The following STX8 variants were observed in gnomAD, a reference collection of about 807,000 sequenced individuals.
STX8 encodes the protein syntaxin 8, also known as syntaxin-8.
STX8 carries 23 observed loss-of-function variants against 37.5 expected under a neutral mutation model. That is an observed-to-expected ratio of 0.61 (90% CI 0.44 to 0.87). The LOEUF is 0.87. Among genes scored for constraint, STX8 ranks in the 40% least tolerant of loss-of-function variants. The pLI is 0.00. For missense variants in STX8, 313 were observed against 284.7 expected (o/e 1.10, Z -0.71); for synonymous variants, 115 against 99.1 (o/e 1.16, Z -0.95).
chr17:9,349,569 G>A (rs1910639692), intron 7 of STX8, among the ~76,000 whole-genome samples: 1 of 152,018 alleles, frequency 6.6e-6, no homozygotes, highest in African/African-American at 2.4e-5. Flanking sequence ...CGATCCACCC[G>A]CCTTGGCCTC....
chr17:9,481,299 C>T (rs1410839260), intron 6 of STX8, among the ~76,000 whole-genome samples: 1 of 152,214 alleles, frequency 6.6e-6, no homozygotes, highest in Non-Finnish European at 1.5e-5. Flanking sequence ...TGTGGATGAG[C>T]GTGTCTTCCT....
In STX8 at chr17:9,329,050, CAAA is replaced by C. The variant is rs998679728; in HGVS notation, c.643+49499_643+49501del. Among the ~76,000 whole-genome samples the C allele has an allele frequency of 5.0e-3, 141 of 27,982 alleles. 1 individual carries two copies. The highest frequency in any genetic ancestry group is 0.013 in the Admixed American group (17 of 1,358). The allele number at this position is 27,982 out of a possible 152,430, so 18.4% of individuals were successfully genotyped here. ...GGGCGACAAGAGCGAGATTCCATCT[CAAA>C]AAAAAAAAAAAAAAAAAAAAAAAAA... On this transcript the variant is annotated intron_variant, in intron 7 of 7. Coordinates refer to ENST00000306357, the MANE Select transcript of STX8 (RefSeq NM_004853.3).
chr17:9,422,845 C>G (rs1374110111), intron 6 of STX8, among the ~76,000 whole-genome samples: 1 of 152,192 alleles, frequency 6.6e-6, no homozygotes, highest in Non-Finnish European at 1.5e-5. Flanking sequence ...TTTTCCAAAT[C>G]AGCTTGTATT....
At chr17:9,446,278 GCTGA>G (rs767875808) in intron 6 of STX8, among the ~76,000 whole-genome samples, 8 of 152,160 alleles carry the variant, frequency 5.3e-5, no homozygotes, top group Middle Eastern at 3.2e-3. Context: ...CTAAATATTT[GCTGA>G]CTGACTATTC....
chr17:9,541,459 C>A (rs1906273632), intron 4 of STX8, among the ~76,000 whole-genome samples: 1 of 152,162 alleles, frequency 6.6e-6, no homozygotes, highest in African/African-American at 2.4e-5. Flanking sequence ...ACACAATGCT[C>A]CAGTAATAAC....
Position 9,375,284 on chromosome 17 carries a change from T to C in STX8, c.643+3268A>G, listed in dbSNP as rs546538480. On this transcript the variant is annotated intron_variant, in intron 7 of 7. Transcript: ENST00000306357. ...CGTATTTTAGTACTTCTGGGATTCC[T>C]TAAATTCTTTTCTATTTTCAAAAAA... 7.0e-4 allele frequency among the ~76,000 whole-genome samples: 106 copies of C among 152,228 alleles called. 1 individual carries two copies. The highest frequency in any genetic ancestry group is 1.1e-3 in the Non-Finnish European group (73 of 68,024).
chr17:9,282,672 T>C (rs749974743), intron 7 of STX8, among the ~76,000 whole-genome samples: 1 of 152,218 alleles, frequency 6.6e-6, no homozygotes, highest in Admixed American at 6.5e-5. Context: ...ACTTAGCTAT[T>C]CATCACGGTG....
intron 4 of STX8, among the ~76,000 whole-genome samples, chr17:9,513,313 C>CAAAAAAAAAAAAAAAAAAAAAATAAA (rs35228175): frequency 1.3e-5 from 1 of 78,038 alleles, no homozygotes; most frequent in African/African-American, 4.7e-5. Flanking sequence ...ACTCTATTTC[C>CAAAAAAAAAAAAAAAAAAAAAATAAA]AAAAAAAAAA....
At chr17:9,422,141 G>C (rs1040055387) in intron 6 of STX8, among the ~76,000 whole-genome samples, 1 of 143,024 alleles carries the variant, frequency 7.0e-6, no homozygotes, top group East Asian at 2.0e-4. Context: ...TTTCACTCTT[G>C]TTGCCCAGGC....
At chr17:9,424,618 C>G (rs1913558968) in intron 6 of STX8, among the ~76,000 whole-genome samples, 1 of 152,118 alleles carries the variant, frequency 6.6e-6, no homozygotes, top group African/African-American at 2.4e-5. Flanking sequence ...CCTCTTCCCT[C>G]CAGGTCATGC....
At chr17:9,341,630 T>A (rs957736709) in intron 7 of STX8, among the ~76,000 whole-genome samples, 1 of 151,588 alleles carries the variant, frequency 6.6e-6, no homozygotes, top group African/African-American at 2.4e-5. Context: ...AGAGACGGGG[T>A]TTCACCATGT....
chr17:9,362,626 G>A (rs1348620385), intron 7 of STX8, among the ~76,000 whole-genome samples: 1 of 151,884 alleles, frequency 6.6e-6, no homozygotes, highest in Non-Finnish European at 1.5e-5. Context: ...AGACCAGACT[G>A]GCTAACATGG....
intron 7 of STX8, among the ~76,000 whole-genome samples, chr17:9,253,148 G>A (rs1906650265): frequency 6.6e-6 from 1 of 151,344 alleles, no homozygotes; most frequent in African/African-American, 2.4e-5. Flanking sequence ...GTGGGTGGGT[G>A]GAGTTACACT....
intron 7 of STX8, among the ~76,000 whole-genome samples, chr17:9,250,860 G>A (rs1906550088): frequency 6.6e-6 from 1 of 152,048 alleles, no homozygotes; most frequent in Non-Finnish European, 1.5e-5. Flanking sequence ...GGGCCTGGGT[G>A]TGGCCAGGCC....
intron 6 of STX8, among the ~76,000 whole-genome samples, chr17:9,473,954 G>A (rs1356025172): frequency 2.0e-5 from 3 of 152,214 alleles, no homozygotes; most frequent in Admixed American, 1.3e-4. Context: ...TGGCTAGAGG[G>A]CTGGAACTTT....
At chr17:9,342,552 G>C (rs149674612) in intron 7 of STX8, among the ~76,000 whole-genome samples, 76 of 152,264 alleles carry the variant, frequency 5.0e-4, no homozygotes, top group African/African-American at 1.7e-3. Context: ...CAGAGCTACG[G>C]GAAGAACAGT....
At chr17:9,527,185 CAAAAAAA>C (rs61665330) in intron 4 of STX8, among the ~76,000 whole-genome samples, 2 of 49,634 alleles carry the variant, frequency 4.0e-5, no homozygotes, top group Non-Finnish European at 6.3e-5. Context: ...GACTCCGTCT[CAAAAAAA>C]AAAAAAAAAA....
At chr17:9,410,076 G>A (rs2142332245) in intron 6 of STX8, among the ~76,000 whole-genome samples, 1 of 152,336 alleles carries the variant, frequency 6.6e-6, no homozygotes, top group South Asian at 2.1e-4. Context: ...CAAGAGAACA[G>A]ACAAATGCGA....
At chr17:9,529,375 G>GT (rs1905719345) in intron 4 of STX8, among the ~76,000 whole-genome samples, 1 of 152,156 alleles carries the variant, frequency 6.6e-6, no homozygotes, top group South Asian at 2.1e-4. Context: ...ACTCACATGT[G>GT]TAATACATGT....
Sources: gnomAD v4.1 joint callset for allele counts (sites outside exome capture counted in the v4.1 genomes callset) on GRCh38, gnomAD v4.1.1 for gene constraint, MANE v1.5 for transcripts, NCBI Gene and HGNC (gene_info 2026-07-23, HGNC 2026-07-21) for gene names.